The following CARNMT1 variants were observed in gnomAD, a reference collection of about 807,000 sequenced individuals.
The protein encoded by CARNMT1 is protein-L-histidine N-pros-methyltransferase CARNMT1.
CARNMT1 carries 28 observed loss-of-function variants against 49.6 expected under a neutral mutation model. The ratio of observed to expected loss-of-function variants is 0.56; its 90% CI spans 0.42 to 0.77. The LOEUF (loss-of-function observed/expected upper bound fraction) is 0.77, where lower values mean the gene tolerates loss of function less well. Among genes scored for constraint, CARNMT1 ranks in the 30% least tolerant of loss-of-function variants. CARNMT1 has a pLI of 0.00. For synonymous variants in CARNMT1, 178 were observed against 175.0 expected (o/e 1.02, Z -0.13); for missense variants, 421 against 512.6 (o/e 0.82, Z 1.73).
At chr9:75,017,576 T>G (rs1255917590) in intron 1 of CARNMT1, 128 bp from the exon 2 acceptor site, 7 of 776,644 alleles carry the variant, frequency 9.0e-6, no homozygotes, top group Non-Finnish European at 1.4e-5. Context: ...ATTTACAATC[T>G]CTTGGCTTTA....
chr9:74,998,764 A>C lies in CARNMT1; in HGVS notation c.744T>G (p.Ile248Met). The change falls in exon 5 of 8, where the codon ATT becomes ATG. Residue 248 changes from isoleucine (I) to methionine (M), a missense_variant. By Grantham distance (10) the Ile-to-Met change is conservative. This residue lies in a region of CARNMT1 where 235 missense variants were observed against 344.8 expected (regional missense o/e 0.68). Transcript: ENST00000376834. The stretch of plus-strand genomic sequence containing the variant: ...TCCAAGGATAAAGTTTATATTTATT[A>C]ATTTCAGAACATCTGCAAAATATGA... ...SNFVLNRCSE[I>M]NKYKLYPWIH... 1.3e-6 allele frequency: 2 copies of C among 1,522,848 alleles called. No individual in the cohort carries two copies. Among genetic ancestry groups the C allele is most frequent in the African/African-American group, 1.4e-5 (1 of 72,308 alleles). The allele number at this position is 1,522,848 out of a possible 1,614,324, so 94.3% of individuals were successfully genotyped here. A position where few individuals can be genotyped will look rare whatever the true frequency, so the allele number is the denominator to read the frequency against.
chr9:74,981,200 C>T lies in CARNMT1; in HGVS notation c.*2567G>A, dbSNP rs1364205359. 3.9e-5 allele frequency: 6 copies of T among 152,062 alleles called. No homozygotes were observed. Among genetic ancestry groups the T allele is most frequent in the African/African-American group, 1.4e-4 (6 of 41,420 alleles). 9.4% of individuals were successfully genotyped at this position (152,062 alleles called of 1,614,324 possible). A position where few individuals can be genotyped will look rare whatever the true frequency, so the allele number is the denominator to read the frequency against. On this transcript the variant is annotated 3_prime_UTR_variant, in exon 8 of 8. Transcript: ENST00000376834. ...AGTTACCAAACTTCATAATTTTATA[C>T]TGTGATTTTTACAGCTTCTCCTTAT...
At chr9:75,015,336 T>C (rs992691052) in intron 3 of CARNMT1, among the ~76,000 whole-genome samples, 11 of 152,222 alleles carry the variant, frequency 7.2e-5, no homozygotes, top group African/African-American at 2.4e-4. Flanking sequence ...ATTTTCATAA[T>C]ACATTTCATA....
chr9:74,983,585 A>G lies in CARNMT1; in HGVS notation c.*182T>C, dbSNP rs1414606072. The G allele has an allele frequency of 8.6e-6, 4 of 467,812 alleles. No homozygotes were observed. Among genetic ancestry groups the G allele is most frequent in the South Asian group, 4.1e-5 (1 of 24,432 alleles). The allele number at this position is 467,812 out of a possible 1,614,324, so 29.0% of individuals were successfully genotyped here. Reference sequence around the variant, plus strand: ...GTAGTACAAATCTGCATGGCATAGTATATTTCTGAAAAAGCAATAGACATA... The same window carrying G: ...GTAGTACAAATCTGCATGGCATAGTGTATTTCTGAAAAAGCAATAGACATA... On this transcript the variant is annotated 3_prime_UTR_variant, in exon 8 of 8. Coordinates refer to ENST00000376834, the MANE Select transcript of CARNMT1 (RefSeq NM_152420.3).
intron 3 of CARNMT1, among the ~76,000 whole-genome samples, chr9:75,008,371 G>A (rs1343285408): frequency 6.6e-6 from 1 of 151,960 alleles, no homozygotes; most frequent in Non-Finnish European, 1.5e-5. Context: ...TCACTCTATT[G>A]CCCAGGCTGG....
At chr9:75,003,234 T>C (rs1420895547) in intron 3 of CARNMT1, among the ~76,000 whole-genome samples, 1 of 152,236 alleles carries the variant, frequency 6.6e-6, no homozygotes. Flanking sequence ...TATCACTTCA[T>C]CTATATTTCC....
intron 6 of CARNMT1, among the ~76,000 whole-genome samples, chr9:74,990,891 G>A (rs1832989835): frequency 6.6e-6 from 1 of 151,454 alleles, no homozygotes; most frequent in Non-Finnish European, 1.5e-5. Flanking sequence ...GGTTAAGAGA[G>A]AAAGATTGTT....
In CARNMT1 at chr9:74,981,074, C is replaced by T. The variant is rs1398862411; in HGVS notation, c.*2693G>A. The T allele has an allele frequency of 1.3e-5, 2 of 152,128 alleles. No individual in the cohort carries two copies. The highest frequency in any genetic ancestry group is 2.9e-5 in the Non-Finnish European group (2 of 67,986). 9.4% of individuals were successfully genotyped at this position (152,128 alleles called of 1,614,324 possible). ...CAAGAAAAATTAATTTCATCATACA[C>T]ATTAAAAATATAGGAAATTTCATGC... is the stretch of plus-strand genomic sequence containing the variant. On this transcript the variant is annotated 3_prime_UTR_variant, in exon 8 of 8. Transcript: ENST00000376834.
chr9:75,028,061 GC>G lies in CARNMT1; in HGVS notation c.180del (p.Arg60SerfsTer25). 6.3e-7 allele frequency: 1 copy of G among 1,580,506 alleles called. No individual in the cohort carries two copies. The highest frequency in any genetic ancestry group is 8.6e-7 in the Non-Finnish European group (1 of 1,165,752). On this transcript the variant is annotated frameshift_variant, in exon 1 of 8. Coordinates refer to ENST00000376834, the MANE Select transcript of CARNMT1 (RefSeq NM_152420.3). LOFTEE classifies it high-confidence loss of function. ...ATCTTCCAGAAGTGCTCACGCTCAAGCCTCTCCTCCTCCTCCTCGGTGCTGC... is the reference window on the plus strand; with the variant it reads ...ATCTTCCAGAAGTGCTCACGCTCAAGCTCTCCTCCTCCTCCTCGGTGCTGC... ...ATRSTEEEEE[R>X]LEREHFWKII...
chr9:75,027,749 G>A (rs548128764), intron 1 of CARNMT1, among the ~76,000 whole-genome samples: 4 of 152,238 alleles, frequency 2.6e-5, no homozygotes, highest in African/African-American at 9.6e-5. Flanking sequence ...TTACGAGGAC[G>A]GAGGCAGGAG....
At chr9:75,000,562 C>T (rs1247185101) in intron 3 of CARNMT1, among the ~76,000 whole-genome samples, 1 of 152,114 alleles carries the variant, frequency 6.6e-6, no homozygotes, top group Non-Finnish European at 1.5e-5. Flanking sequence ...ACTTTCAAAC[C>T]ACTAAAAGTT....
At position 74,999,741 on chromosome 9, in the gene CARNMT1, A is replaced by C; in HGVS notation, c.720T>G (p.Phe240Leu). The change falls in exon 4 of 8, where the codon TTT becomes TTG. Residue 240 changes from phenylalanine (F) to leucine (L), a missense_variant. Coordinates refer to ENST00000376834, the MANE Select transcript of CARNMT1 (RefSeq NM_152420.3). ...AATAAATTAAATACCTGTTGAGTAC[A>C]AAGTTGGAAGAAAAGAGCATAAAAA... The part of the protein sequence containing the change: ...WSFFMLFSSN[F>L]VLNRCSEINK... 1 of 1,610,468 alleles carries C rather than the reference A, an allele frequency of 6.2e-7. No homozygotes were observed. The highest frequency in any genetic ancestry group is 8.5e-7 in the Non-Finnish European group (1 of 1,178,678).
At chr9:75,007,300 G>A (rs1178235484) in intron 3 of CARNMT1, among the ~76,000 whole-genome samples, 11 of 152,078 alleles carry the variant, frequency 7.2e-5, no homozygotes, top group Non-Finnish European at 1.6e-4. Context: ...GAATGCAAGG[G>A]TGGTTCAACA....
Position 74,997,034 on chromosome 9 carries a change from T to TA in CARNMT1, c.911-475dup, listed in dbSNP as rs1833207961. On this transcript the variant is annotated intron_variant, in intron 5 of 7. Transcript: ENST00000376834. ...AACATCTACCACAACTTCGAATAAT[T>TA]ACCAGGGAAAAAGGGGAGCCAGGGG... Among the ~76,000 whole-genome samples the TA allele has an allele frequency of 3.3e-5, 5 of 152,090 alleles. No individual in the cohort carries two copies. The South Asian group carries it at 1.0e-3, about 31-fold the overall frequency.
At chr9:75,003,441 T>C (rs1833419876) in intron 3 of CARNMT1, among the ~76,000 whole-genome samples, 1 of 152,258 alleles carries the variant, frequency 6.6e-6, no homozygotes, top group African/African-American at 2.4e-5. Context: ...TACTCACTCA[T>C]CTAAGAATTG....
chr9:74,994,605 T>A (rs1279467279), intron 6 of CARNMT1, among the ~76,000 whole-genome samples: 1 of 151,700 alleles, frequency 6.6e-6, no homozygotes, highest in East Asian at 1.9e-4. Flanking sequence ...GGAAAAGCCA[T>A]GAGATTAGGT....
At chr9:75,013,265 T>C (rs996714624) in intron 3 of CARNMT1, among the ~76,000 whole-genome samples, 4 of 152,146 alleles carry the variant, frequency 2.6e-5, no homozygotes, top group Non-Finnish European at 5.9e-5. Context: ...GGTCAGGAAC[T>C]GCTGCAAAGA....
At chr9:75,011,957 C>T (rs11793714) in intron 3 of CARNMT1, among the ~76,000 whole-genome samples, 8,650 of 152,228 alleles carry the variant, frequency 0.057, 283 homozygotes, top group Middle Eastern at 0.095. Flanking sequence ...CCGGCAGACA[C>T]GTGGATTGCT....
intron 1 of CARNMT1, among the ~76,000 whole-genome samples, chr9:75,018,655 T>C (rs1833917559): frequency 6.6e-6 from 1 of 152,070 alleles, no homozygotes; most frequent in Non-Finnish European, 1.5e-5. Context: ...TGAACAATCT[T>C]TGTCATAGCA....
Sources: gnomAD v4.1 joint callset for allele counts (sites outside exome capture counted in the v4.1 genomes callset) on GRCh38, gnomAD v4.1.1 for gene constraint, gnomAD v4.1.1 regional missense constraint, MANE v1.5 for transcripts, NCBI Gene and HGNC (gene_info 2026-07-23, HGNC 2026-07-21) for gene names.